IL1RAPL2: variants seen among roughly 807,000 people sequenced by gnomAD.
IL1RAPL2 encodes X-linked interleukin-1 receptor accessory protein-like 2.
Under a neutral mutation model 44.1 loss-of-function variants are expected in IL1RAPL2, and 3 were observed. That is an observed-to-expected ratio of 0.07 (90% CI 0.03 to 0.18). IL1RAPL2 has a LOEUF of 0.18. IL1RAPL2 is among the 10% of genes least tolerant of loss of function. The pLI is 1.00. For missense variants in IL1RAPL2, 391 were observed against 496.4 expected (o/e 0.79, Z 2.02); for synonymous variants, 181 against 178.8 (o/e 1.01, Z -0.10).
At chrX:105,056,726 A>G (rs1277320861) in intron 2 of IL1RAPL2, among the ~76,000 whole-genome samples, 1 of 111,993 alleles carries the variant, frequency 8.9e-6, no homozygotes, top group African/African-American at 3.2e-5. Flanking sequence ...TTTCATATCT[A>G]AGGTCTATGT....
At chrX:105,515,576 CTGA>C (rs2036507173) in intron 6 of IL1RAPL2, among the ~76,000 whole-genome samples, 1 of 111,399 alleles carries the variant, frequency 9.0e-6, no homozygotes, top group Admixed American at 9.5e-5. Context: ...TGGAATGCAA[CTGA>C]TGATAAGTGT....
At chrX:104,788,732 T>G (rs908513263) in intron 2 of IL1RAPL2, among the ~76,000 whole-genome samples, 8 of 112,029 alleles carry the variant, frequency 7.1e-5, no homozygotes, top group African/African-American at 2.6e-4. Context: ...CCAATCTTAA[T>G]AGGGCTTACT....
intron 2 of IL1RAPL2, among the ~76,000 whole-genome samples, chrX:105,131,668 G>T (rs2033028083): frequency 9.0e-6 from 1 of 110,537 alleles, no homozygotes. Flanking sequence ...CTCAAGTTGA[G>T]CAGGTAGTTC....
chrX:105,029,284 G>A (rs1389168317), intron 2 of IL1RAPL2, among the ~76,000 whole-genome samples: 1 of 102,047 alleles, frequency 9.8e-6, no homozygotes, highest in Non-Finnish European at 2.0e-5. Flanking sequence ...AAGTTTTAGG[G>A]TACATGTGCA....
intron 2 of IL1RAPL2, among the ~76,000 whole-genome samples, chrX:104,672,023 A>T (rs1226445166): frequency 8.9e-6 from 1 of 111,810 alleles, no homozygotes; most frequent in Non-Finnish European, 1.9e-5. Flanking sequence ...GACTTGGCTT[A>T]TTTAGGATTC....
Position 104,957,934 on chromosome X carries a change from A to C in IL1RAPL2, c.83-237541A>C, listed in dbSNP as rs750485060. On this transcript the variant is annotated intron_variant, in intron 2 of 10. Transcript: ENST00000372582. ...AGACCTCATCTCTACTAAAAATAAA[A>C]ATTAAAAATTATCTGGGTGTGCTGG... is the stretch of plus-strand genomic sequence containing the variant. Among the ~76,000 whole-genome samples, 16 of 110,736 alleles carry C rather than the reference A, an allele frequency of 1.4e-4. No individual in the cohort carries two copies. In the East Asian group the frequency reaches 4.6e-3, roughly 32 times the overall value.
intron 5 of IL1RAPL2, among the ~76,000 whole-genome samples, chrX:105,410,256 A>G (rs920210353): frequency 2.7e-5 from 3 of 110,656 alleles, no homozygotes; most frequent in East Asian, 2.8e-4. Flanking sequence ...ATCAGTATCT[A>G]TATGTTATAT....
At chrX:104,967,543 G>C (rs1396682316) in intron 2 of IL1RAPL2, among the ~76,000 whole-genome samples, 1 of 110,694 alleles carries the variant, frequency 9.0e-6, no homozygotes, top group African/African-American at 3.3e-5. Context: ...GAAAATAAGA[G>C]GAGGACAGAA....
intron 1 of IL1RAPL2, among the ~76,000 whole-genome samples, chrX:104,622,732 A>G (rs1929424083): frequency 9.0e-6 from 1 of 111,508 alleles, no homozygotes; most frequent in African/African-American, 3.3e-5. Context: ...TTTTGACCTC[A>G]GTGCTATGCT....
chrX:105,612,455 C>G (rs759196993), intron 6 of IL1RAPL2, among the ~76,000 whole-genome samples: 1 of 111,550 alleles, frequency 9.0e-6, no homozygotes, highest in Non-Finnish European at 1.9e-5. Flanking sequence ...AGCAAGGTAG[C>G]CAAATAGATG....
intron 2 of IL1RAPL2, among the ~76,000 whole-genome samples, chrX:104,835,309 T>C (rs1921711725): frequency 9.0e-6 from 1 of 111,188 alleles, no homozygotes; most frequent in Non-Finnish European, 1.9e-5. Flanking sequence ...ACAACTATGT[T>C]TGAGCATTGT....
chrX:105,693,608 C>T (rs988100594), intron 6 of IL1RAPL2, among the ~76,000 whole-genome samples: 2 of 111,392 alleles, frequency 1.8e-5, no homozygotes, highest in Non-Finnish European at 3.8e-5. Flanking sequence ...CATAAATTAC[C>T]CAGCCTCAGG....
chrX:104,569,246 G>A (rs1451870029), intron 1 of IL1RAPL2, among the ~76,000 whole-genome samples: 2 of 112,110 alleles, frequency 1.8e-5, no homozygotes, highest in Admixed American at 1.9e-4. Flanking sequence ...CTTAGGTTGA[G>A]CAATTGGCCA....
intron 5 of IL1RAPL2, among the ~76,000 whole-genome samples, chrX:105,355,347 T>C (rs2035193779): frequency 9.0e-6 from 1 of 111,313 alleles, no homozygotes; most frequent in Admixed American, 9.7e-5. Context: ...TGCATGCTTT[T>C]GCTTGCCGAT....
At chrX:105,447,392 A>T (rs1240250978) in intron 5 of IL1RAPL2, among the ~76,000 whole-genome samples, 8 of 69,606 alleles carry the variant, frequency 1.1e-4, no homozygotes, top group African/African-American at 5.1e-4. Context: ...TATAAATATA[A>T]ATATATAAAT....
intron 5 of IL1RAPL2, among the ~76,000 whole-genome samples, chrX:105,323,054 C>G (rs777454327): frequency 8.9e-6 from 1 of 111,793 alleles, no homozygotes; most frequent in African/African-American, 3.2e-5. Context: ...TGACCCAAAT[C>G]CTATTAAGAA....
intron 2 of IL1RAPL2, among the ~76,000 whole-genome samples, chrX:105,133,498 G>GCA (rs1172629985): frequency 1.8e-5 from 2 of 111,284 alleles, no homozygotes; most frequent in Non-Finnish European, 3.8e-5. Context: ...GTGTGTGTGT[G>GCA]CACACATGCA....
chrX:105,363,871 T>C (rs909361989), intron 5 of IL1RAPL2, among the ~76,000 whole-genome samples: 4 of 111,378 alleles, frequency 3.6e-5, no homozygotes, highest in African/African-American at 1.3e-4. Context: ...ATGTATTGTT[T>C]GCAAATATTT....
At chrX:105,481,974 A>G (rs1000282011) in intron 5 of IL1RAPL2, among the ~76,000 whole-genome samples, 9 of 112,116 alleles carry the variant, frequency 8.0e-5, no homozygotes, top group African/African-American at 1.9e-4. Flanking sequence ...CCATCTAGAA[A>G]TATTTCATAC....
Sources: gnomAD v4.1 joint callset for allele counts (sites outside exome capture counted in the v4.1 genomes callset) on GRCh38, gnomAD v4.1.1 for gene constraint, MANE v1.5 for transcripts, NCBI Gene and HGNC (gene_info 2026-07-23, HGNC 2026-07-21) for gene names.